The following ARB2A variants were observed in gnomAD, a reference collection of about 807,000 sequenced individuals.
The protein encoded by ARB2A is ARB2 cotranscriptional regulator A, also known as cotranscriptional regulator ARB2A.
chr5:93,983,170 G>GGTGTGTGTGT, the ARB2A span, among the ~76,000 whole-genome samples: 10 of 125,466 alleles, frequency 8.0e-5, no homozygotes, highest in African/African-American at 3.1e-4. Context: ...GCTGTGGAGA[G>GGTGTGTGTGT]GTGTGTGTGT....
chr5:93,830,315 A>ATG, the ARB2A span, among the ~76,000 whole-genome samples: 1 of 42,338 alleles, frequency 2.4e-5, no homozygotes, highest in Non-Finnish European at 4.1e-5. Context: ...GTGTGTGTAT[A>ATG]TATATATATA....
the ARB2A span, among the ~76,000 whole-genome samples, chr5:94,089,074 A>G: frequency 2.6e-5 from 4 of 152,346 alleles, no homozygotes; most frequent in East Asian, 7.7e-4. Context: ...AACAGCAGCC[A>G]CTGGAGGGAG....
the ARB2A span, among the ~76,000 whole-genome samples, chr5:93,931,995 TATAA>T: frequency 5.9e-5 from 9 of 152,216 alleles, no homozygotes; most frequent in Non-Finnish European, 1.2e-4. Context: ...TATTCAACTG[TATAA>T]ATAAAGCACA....
the ARB2A span, among the ~76,000 whole-genome samples, chr5:93,885,248 C>A: frequency 6.6e-6 from 1 of 151,506 alleles, no homozygotes; most frequent in African/African-American, 2.4e-5. Flanking sequence ...TGAAACTACA[C>A]TATAATATCA....
chr5:93,960,495 A>G, the ARB2A span, among the ~76,000 whole-genome samples: 5 of 152,208 alleles, frequency 3.3e-5, no homozygotes, highest in African/African-American at 1.2e-4. Context: ...ACGTAAGTCC[A>G]GGCAGGCACA....
chr5:94,091,638 T>C, the ARB2A span, among the ~76,000 whole-genome samples: 4 of 152,190 alleles, frequency 2.6e-5, no homozygotes, highest in Non-Finnish European at 5.9e-5. Flanking sequence ...CTTGCCACAC[T>C]GTTCCCATAT....
the ARB2A span, among the ~76,000 whole-genome samples, chr5:93,895,951 A>C: frequency 1.8e-4 from 27 of 152,108 alleles, no homozygotes; most frequent in South Asian, 2.1e-3. Context: ...TATTTATATC[A>C]AGTAGAAAAA....
the ARB2A span, among the ~76,000 whole-genome samples, chr5:93,682,193 A>G: frequency 6.6e-6 from 1 of 151,960 alleles, no homozygotes; most frequent in East Asian, 1.9e-4. Context: ...TTGGCAAAAC[A>G]TCAAAGTACT....
At chr5:94,041,331 C>G in the ARB2A span, among the ~76,000 whole-genome samples, 1 of 152,036 alleles carries the variant, frequency 6.6e-6, no homozygotes, top group African/African-American at 2.4e-5. Flanking sequence ...GCCCAGCAAA[C>G]TGGTCAGTCA....
At chr5:93,687,368 A>G in the ARB2A span, among the ~76,000 whole-genome samples, 1 of 152,184 alleles carries the variant, frequency 6.6e-6, no homozygotes, top group African/African-American at 2.4e-5. Context: ...TGACCTAGAA[A>G]TTTCACTTTT....
At chr5:93,640,961 G>T in the ARB2A span, among the ~76,000 whole-genome samples, 1 of 151,996 alleles carries the variant, frequency 6.6e-6, no homozygotes, top group Admixed American at 6.6e-5. Context: ...CAGCACTTTT[G>T]CAGGCTGAGG....
At chr5:94,068,968 G>C in the ARB2A span, among the ~76,000 whole-genome samples, 1 of 151,480 alleles carries the variant, frequency 6.6e-6, no homozygotes, top group African/African-American at 2.4e-5. Flanking sequence ...CCAGGAGGCA[G>C]AGGTTGCAGT....
the ARB2A span, among the ~76,000 whole-genome samples, chr5:93,791,225 G>T: frequency 6.6e-6 from 1 of 152,140 alleles, no homozygotes; most frequent in South Asian, 2.1e-4. Context: ...ATTCCAGTTT[G>T]CCCAGAACAG....
At chr5:94,036,141 T>G in the ARB2A span, among the ~76,000 whole-genome samples, 1 of 152,242 alleles carries the variant, frequency 6.6e-6, no homozygotes, top group East Asian at 1.9e-4. Flanking sequence ...TTGAAGTATT[T>G]TCTTTTTCTC....
the ARB2A span, among the ~76,000 whole-genome samples, chr5:94,013,854 T>G: frequency 6.6e-6 from 1 of 152,042 alleles, no homozygotes; most frequent in Admixed American, 6.5e-5. Flanking sequence ...GTCACAGAGA[T>G]GTAAGAGGTA....
the ARB2A span, among the ~76,000 whole-genome samples, chr5:94,021,534 A>T: frequency 6.6e-6 from 1 of 152,252 alleles, no homozygotes; most frequent in South Asian, 2.1e-4. Context: ...TTATCCGTGC[A>T]GTAACAGAAG....
chr5:94,017,199 T>G, the ARB2A span, among the ~76,000 whole-genome samples: 2 of 152,208 alleles, frequency 1.3e-5, no homozygotes, highest in South Asian at 4.1e-4. Flanking sequence ...GAAAGCAATA[T>G]GCATGTGTAA....
chr5:94,095,836 G>A, the ARB2A span, among the ~76,000 whole-genome samples: 33 of 151,988 alleles, frequency 2.2e-4, no homozygotes, highest in Non-Finnish European at 8.8e-5. Context: ...TTACTGATTC[G>A]AATAACTGAG....
At chr5:93,920,876 C>A in the ARB2A span, among the ~76,000 whole-genome samples, 2 of 151,922 alleles carry the variant, frequency 1.3e-5, no homozygotes, top group Non-Finnish European at 2.9e-5. Flanking sequence ...CTAATCTGTG[C>A]GAGCAGTTGT....
Sources: allele counts gnomAD v4.1 joint callset (sites outside exome capture counted in the v4.1 genomes callset), GRCh38; gene constraint gnomAD v4.1.1; transcripts MANE v1.5; gene names NCBI Gene and HGNC (gene_info 2026-07-23, HGNC 2026-07-21).